COG4: variants seen among roughly 807,000 people sequenced by gnomAD.
COG4 encodes the protein conserved oligomeric Golgi complex subunit 4.
In COG4, 65 loss-of-function variants were observed where a neutral mutation model predicts 95.1. The observed-to-expected ratio is 0.68, with a 90% CI of 0.56 to 0.84. The LOEUF (loss-of-function observed/expected upper bound fraction) is 0.84, where lower values mean the gene tolerates loss of function less well. Ranked by LOEUF, COG4 falls within the 40% of genes least tolerant of loss-of-function variation. The pLI, the probability that COG4 is intolerant of heterozygous loss-of-function variation, is 0.00. For missense variants in COG4, 1,045 were observed against 989.1 expected, an observed-to-expected ratio of 1.06 and a Z score of -0.76; for synonymous variants, 421 against 374.8, an observed-to-expected ratio of 1.12 and a Z score of -1.42.
intron 8 of COG4, among the ~76,000 whole-genome samples, chr16:70,502,066 G>C (rs954723750): frequency 7.0e-6 from 1 of 143,516 alleles, no homozygotes; most frequent in Non-Finnish European, 1.5e-5. Flanking sequence ...GGCGGATCAT[G>C]AGGTCAAGAG....
chr16:70,486,899 G>A (rs2049147742), intron 13 of COG4, among the ~76,000 whole-genome samples: 1 of 152,122 alleles, frequency 6.6e-6, no homozygotes, highest in African/African-American at 2.4e-5. Flanking sequence ...GGGAGCTGAG[G>A]CAGGAGAATC....
At chr16:70,505,630 C>T (rs1234182806) in intron 8 of COG4, among the ~76,000 whole-genome samples, 1 of 149,896 alleles carries the variant, frequency 6.7e-6, no homozygotes, top group Non-Finnish European at 1.5e-5. Context: ...GAGATCGAGA[C>T]CATCCTGGCT....
At chr16:70,486,587 C>A (rs2049140914) in intron 13 of COG4, among the ~76,000 whole-genome samples, 1 of 152,190 alleles carries the variant, frequency 6.6e-6, no homozygotes, top group South Asian at 2.1e-4. Context: ...TTTTACTTGG[C>A]TAATTCTACC....
At chr16:70,499,152 T>G (rs1392923728) in intron 9 of COG4, among the ~76,000 whole-genome samples, 1 of 152,196 alleles carries the variant, frequency 6.6e-6, no homozygotes, top group East Asian at 1.9e-4. Flanking sequence ...TGAAATGTGA[T>G]GAACATAACT....
chr16:70,523,251 C>G (rs561260040), intron 1 of COG4, 122 bp downstream of exon 1: 2 of 1,250,916 alleles, frequency 1.6e-6, no homozygotes, highest in South Asian at 2.4e-5. Context: ...GCTTCCGCTT[C>G]TTTGTTTTCC....
chr16:70,517,358 T>G (rs1026139809), intron 3 of COG4, among the ~76,000 whole-genome samples: 1 of 150,796 alleles, frequency 6.6e-6, no homozygotes, highest in Non-Finnish European at 1.5e-5. Flanking sequence ...TGGCGAAAGG[T>G]GGAAGGATAA....
rs562432677 is a variant in COG4, at chr16:70,480,768, T to C, written c.*242A>G. 98 of 553,518 alleles carry C rather than the reference T, an allele frequency of 1.8e-4. No individual in the cohort carries two copies. The highest frequency in any genetic ancestry group is 2.4e-4 in the Non-Finnish European group (73 of 308,278). 34.3% of individuals were successfully genotyped at this position (553,518 alleles called of 1,614,324 possible). A position where few individuals can be genotyped will look rare whatever the true frequency, so the allele number is the denominator to read the frequency against. On this transcript the variant is annotated 3_prime_UTR_variant, in exon 19 of 19. Coordinates refer to ENST00000323786, the MANE Select transcript of COG4 (RefSeq NM_015386.3). ...GGGCTGCTCGCTGCCTGCCGTGGCT[T>C]TCCCACCTCATTAGGAGCCCGCTTC...
chr16:70,511,684 T>C (rs974650387), intron 5 of COG4, among the ~76,000 whole-genome samples: 4 of 150,984 alleles, frequency 2.6e-5, no homozygotes, highest in Non-Finnish European at 5.9e-5. Flanking sequence ...TGTAATCCCA[T>C]CACTTTGGGA....
intron 18 of COG4, 46 bp downstream of exon 18, chr16:70,481,313 T>A: frequency 6.2e-7 from 1 of 1,609,228 alleles, no homozygotes; most frequent in African/African-American, 1.3e-5. Context: ...CATCTTTGCC[T>A]CTTTCAGTCA....
intron 1 of COG4, among the ~76,000 whole-genome samples, chr16:70,520,846 C>G (rs2049927148): frequency 6.6e-6 from 1 of 152,106 alleles, no homozygotes. Context: ...ATCTGTAAAA[C>G]TAGGATAGCA....
At chr16:70,510,069 A>C in intron 5 of COG4, 48 bp from the exon 6 acceptor site, 1 of 1,464,512 alleles carries the variant, frequency 6.8e-7, no homozygotes, top group Non-Finnish European at 9.6e-7. Context: ...GGTCACCCTC[A>C]TACCAGGTAT....
At chr16:70,521,998 G>A (rs949464006) in intron 1 of COG4, among the ~76,000 whole-genome samples, 11 of 149,324 alleles carry the variant, frequency 7.4e-5, no homozygotes, top group African/African-American at 2.7e-4. Context: ...ACCGCGCCAG[G>A]CTTTTTTTTT....
At chr16:70,515,555 A>G (rs1453856129) in intron 3 of COG4, among the ~76,000 whole-genome samples, 5 of 152,042 alleles carry the variant, frequency 3.3e-5, no homozygotes, top group East Asian at 1.9e-4. Flanking sequence ...CTGGTGGCGC[A>G]TGCCTGTAAT....
intron 3 of COG4, among the ~76,000 whole-genome samples, 173 bp downstream of exon 3, chr16:70,517,453 T>TA (rs1567397433): frequency 2.6e-5 from 4 of 151,614 alleles, no homozygotes; most frequent in African/African-American, 9.7e-5. Context: ...CTGGGCATAG[T>TA]GGTGGATGCC....
In COG4 at chr16:70,517,566, T is replaced by C. The variant is rs8051618; in HGVS notation, c.369+60A>G. On this transcript the variant is annotated intron_variant, in intron 3 of 18. Transcript: ENST00000323786. ...TTGTACCACTGTACTCCAGCCTAGG[T>C]GACAGAGCAAGACCCTGTCTCAAAA... The C allele has an allele frequency of 0.028, 27,322 of 986,400 alleles. 4,932 individuals are homozygous for C. In the African/African-American group the frequency reaches 0.42, roughly 15 times the overall value. The allele number at this position is 986,400 out of a possible 1,614,324, so 61.1% of individuals were successfully genotyped here.
intron 13 of COG4, among the ~76,000 whole-genome samples, chr16:70,486,432 G>A (rs1310857924): frequency 6.6e-6 from 1 of 152,156 alleles, no homozygotes; most frequent in Non-Finnish European, 1.5e-5. Flanking sequence ...CTGTCTTTGA[G>A]TAGTCTTGTA....
chr16:70,502,058 C>T (rs1178124781), intron 8 of COG4, among the ~76,000 whole-genome samples: 12 of 150,784 alleles, frequency 8.0e-5, no homozygotes, highest in African/African-American at 2.9e-4. Context: ...CTGAGGCGGG[C>T]GGATCATGAG....
chr16:70,486,177 G>C (rs915317805), intron 13 of COG4, among the ~76,000 whole-genome samples: 4 of 152,206 alleles, frequency 2.6e-5, no homozygotes, highest in East Asian at 1.9e-4. Flanking sequence ...TTACAGGCGT[G>C]AGCCACCGCG....
At chr16:70,504,020 C>CTTGTGAT (rs1220421145) in intron 8 of COG4, among the ~76,000 whole-genome samples, 1 of 152,194 alleles carries the variant, frequency 6.6e-6, no homozygotes, top group Non-Finnish European at 1.5e-5. Flanking sequence ...CAGTATATCA[C>CTTGTGAT]AGTGGCTGAC....
Sources: allele counts gnomAD v4.1 joint callset (sites outside exome capture counted in the v4.1 genomes callset), GRCh38; gene constraint gnomAD v4.1.1; transcripts MANE v1.5; gene names NCBI Gene and HGNC (gene_info 2026-07-23, HGNC 2026-07-21).